MSH3: variants seen among roughly 807,000 people sequenced by gnomAD.
MSH3 encodes DNA mismatch repair protein Msh3.
Under a neutral mutation model 123.3 loss-of-function variants are expected in MSH3, and 106 were observed. The observed-to-expected ratio is 0.86, with a 90% CI of 0.73 to 1.01. The LOEUF (loss-of-function observed/expected upper bound fraction) is 1.01. Among genes scored for constraint, MSH3 ranks in the 50% least tolerant of loss-of-function variants. MSH3 has a pLI of 0.00. For missense variants in MSH3, 1,459 were observed against 1,347.6 expected (o/e 1.08, Z -1.29); for synonymous variants, 515 against 481.4 (o/e 1.07, Z -0.91).
chr5:80,700,095 G>T (rs1750574002), intron 8 of MSH3, among the ~76,000 whole-genome samples: 1 of 152,084 alleles, frequency 6.6e-6, no homozygotes. Flanking sequence ...AAAATAAATT[G>T]TGGGCCTGGC....
chr5:80,756,800 T>C (rs1743934682), intron 12 of MSH3, among the ~76,000 whole-genome samples: 1 of 152,164 alleles, frequency 6.6e-6, no homozygotes, highest in Admixed American at 6.5e-5. Flanking sequence ...CACTCAGTAA[T>C]TGTTCATTGA....
chr5:80,682,712 C>T (rs1580559010), intron 8 of MSH3, among the ~76,000 whole-genome samples: 1 of 152,274 alleles, frequency 6.6e-6, no homozygotes, highest in Middle Eastern at 3.4e-3. Context: ...AGCATTTATC[C>T]TTTGTGTTAC....
chr5:80,765,297 T>G (rs1379657336), intron 13 of MSH3, among the ~76,000 whole-genome samples: 1 of 152,206 alleles, frequency 6.6e-6, no homozygotes, highest in Admixed American at 6.5e-5. Flanking sequence ...TTGTGTTTGT[T>G]TCTTTACTTT....
intron 8 of MSH3, among the ~76,000 whole-genome samples, chr5:80,687,101 G>A (rs1750108779): frequency 6.6e-6 from 1 of 152,088 alleles, no homozygotes; most frequent in South Asian, 2.1e-4. Context: ...AGAGATGATA[G>A]TAATCTAAAA....
intron 19 of MSH3, among the ~76,000 whole-genome samples, chr5:80,806,078 A>G (rs751486259): frequency 1.3e-5 from 2 of 152,112 alleles, no homozygotes; most frequent in African/African-American, 2.4e-5. Context: ...TCAGTCATTA[A>G]TCAATCTACT....
chr5:80,832,182 C>T (rs1469270555), intron 20 of MSH3, among the ~76,000 whole-genome samples: 1 of 152,054 alleles, frequency 6.6e-6, no homozygotes, highest in Non-Finnish European at 1.5e-5. Context: ...CTATATTCCA[C>T]TTATATGAGA....
At chr5:80,675,290 T>G (rs1289303792) in intron 7 of MSH3, among the ~76,000 whole-genome samples, 162 bp downstream of exon 7, 1 of 152,162 alleles carries the variant, frequency 6.6e-6, no homozygotes, top group Admixed American at 6.5e-5. Context: ...AAATCGCTAG[T>G]TACAATTTTC....
At chr5:80,759,491 C>T (rs1196149124) in intron 12 of MSH3, among the ~76,000 whole-genome samples, 1 of 152,290 alleles carries the variant, frequency 6.6e-6, no homozygotes. Context: ...GAAAGATATG[C>T]AGTCTGACTG....
chr5:80,806,951 C>A (rs1580061319), intron 19 of MSH3, among the ~76,000 whole-genome samples: 2 of 151,926 alleles, frequency 1.3e-5, no homozygotes, highest in Middle Eastern at 6.8e-3. Flanking sequence ...ATCTGTAATC[C>A]CAGGACATTG....
chr5:80,673,741 C>T (rs1359544768), intron 6 of MSH3, among the ~76,000 whole-genome samples: 1 of 152,062 alleles, frequency 6.6e-6, no homozygotes, highest in Non-Finnish European at 1.5e-5. Flanking sequence ...ATAATGATTG[C>T]CCCTAAATTT....
intron 22 of MSH3, among the ~76,000 whole-genome samples, chr5:80,871,315 A>AC (rs937914112): frequency 6.6e-6 from 1 of 152,022 alleles, no homozygotes; most frequent in Non-Finnish European, 1.5e-5. Context: ...GCAACAGATT[A>AC]CCCCCCAAAA....
At chr5:80,790,965 G>C (rs1744596337) in intron 18 of MSH3, among the ~76,000 whole-genome samples, 1 of 152,140 alleles carries the variant, frequency 6.6e-6, no homozygotes, top group African/African-American at 2.4e-5. Context: ...TCAAAAGTTG[G>C]TATGTGAATA....
At chr5:80,852,704 T>C (rs1047161932) in intron 20 of MSH3, among the ~76,000 whole-genome samples, 1 of 152,230 alleles carries the variant, frequency 6.6e-6, no homozygotes, top group Non-Finnish European at 1.5e-5. Context: ...TCAATGCCGC[T>C]AGTTATTGGA....
chr5:80,791,267 A>G (rs888664573), intron 18 of MSH3, among the ~76,000 whole-genome samples: 1 of 152,182 alleles, frequency 6.6e-6, no homozygotes, highest in African/African-American at 2.4e-5. Flanking sequence ...AAATGAAAAT[A>G]TTTTGCAATT....
At chr5:80,694,407 A>ACT (rs1157738105) in intron 8 of MSH3, among the ~76,000 whole-genome samples, 1 of 152,112 alleles carries the variant, frequency 6.6e-6, no homozygotes, top group Non-Finnish European at 1.5e-5. Context: ...AAATATAAAA[A>ACT]CTTTACCTCT....
intron 21 of MSH3, among the ~76,000 whole-genome samples, chr5:80,860,394 T>C (rs1440892294): frequency 6.6e-6 from 1 of 151,784 alleles, no homozygotes; most frequent in East Asian, 1.9e-4. Context: ...CCTTCAGTTT[T>C]GAAGGATTAT....
chr5:80,766,444 C>T (rs993262975), intron 13 of MSH3, among the ~76,000 whole-genome samples: 22 of 147,744 alleles, frequency 1.5e-4, no homozygotes, highest in Non-Finnish European at 1.5e-4. Flanking sequence ...CTTCCAGGCT[C>T]AAGCGATTCT....
intron 20 of MSH3, among the ~76,000 whole-genome samples, chr5:80,840,319 C>A (rs1445333259): frequency 1.3e-5 from 2 of 152,172 alleles, no homozygotes; most frequent in Non-Finnish European, 2.9e-5. Context: ...AAAGGGGAAT[C>A]TTCTAGGCAT....
rs1012571996 is a variant in MSH3, at chr5:80,726,808, C to T, written c.1453+1243C>T. Among the ~76,000 whole-genome samples, 7 of 152,086 alleles carry T rather than the reference C, an allele frequency of 4.6e-5. No individual in the cohort carries two copies. The South Asian group carries it at 6.2e-4, about 14-fold the overall frequency. On this transcript the variant is annotated intron_variant, in intron 9 of 23. Coordinates refer to ENST00000265081, the MANE Select transcript of MSH3 (RefSeq NM_002439.5). ...TTCTAACACCAGTGTTCAGTATTAC[C>T]GAGAGGTCATCTTATGTTCAACTAA...
Sources: gnomAD v4.1 joint callset for allele counts (sites outside exome capture counted in the v4.1 genomes callset) on GRCh38, gnomAD v4.1.1 for gene constraint, MANE v1.5 for transcripts, NCBI Gene and HGNC (gene_info 2026-07-23, HGNC 2026-07-21) for gene names.